RPTOR: variants seen among roughly 807,000 people sequenced by gnomAD.
The protein encoded by RPTOR is regulatory associated protein of MTOR complex 1.
Under a neutral mutation model 169.9 loss-of-function variants are expected in RPTOR, and 21 were observed. That is an observed-to-expected ratio of 0.12 (90% confidence interval 0.09 to 0.18). The LOEUF is 0.18. RPTOR is among the 10% of genes least tolerant of loss of function. RPTOR has a pLI of 1.00. For synonymous variants in RPTOR, 732 were observed against 753.2 expected, an observed-to-expected ratio of 0.97 and a Z score of 0.46; for missense variants, 1,133 against 1,855.9, an observed-to-expected ratio of 0.61 and a Z score of 7.16.
chr17:80,786,382 A>G (rs1355568977), intron 6 of RPTOR, among the ~76,000 whole-genome samples: 1 of 152,212 alleles, frequency 6.6e-6, no homozygotes, highest in Non-Finnish European at 1.5e-5. Flanking sequence ...TCAAAAATGA[A>G]AACAGCATTC....
Position 80,823,334 on chromosome 17 carries a change from C to A in RPTOR, c.1136+111C>A, listed in dbSNP as rs542479216. ...GGAGGCCCCACACCTAACTTGGGGA[C>A]CCCGTGTAGCATTAACAAGTGAAGC... On this transcript the variant is annotated intron_variant, in intron 9 of 33. Coordinates refer to ENST00000306801, the MANE Select transcript of RPTOR (RefSeq NM_020761.3). This position sits in a 1 kb window ranked among gnomAD's most constrained non-coding sequence, Gnocchi z 4.5. The A allele has an allele frequency of 7.7e-5, 105 of 1,356,556 alleles. 1 individual carries two copies. The Middle Eastern group carries it at 1.4e-3, about 17-fold the overall frequency. 84.0% of individuals were successfully genotyped at this position (1,356,556 alleles called of 1,614,324 possible). A position where few individuals can be genotyped will look rare whatever the true frequency, so the allele number is the denominator to read the frequency against.
intron 1 of RPTOR, among the ~76,000 whole-genome samples, chr17:80,613,349 C>T (rs2065284815): frequency 6.6e-6 from 1 of 152,196 alleles, no homozygotes; most frequent in Admixed American, 6.5e-5. Flanking sequence ...TTATGTGTGT[C>T]TCTTGTCCCT....
intron 3 of RPTOR, among the ~76,000 whole-genome samples, chr17:80,693,240 A>T (rs34384177): frequency 0.18 from 26,752 of 152,140 alleles, 3,764 homozygotes; most frequent in African/African-American, 0.39. Context: ...GCAGGTCCCC[A>T]GGCCATTGCC....
chr17:80,903,800 G>C (rs2068506876), intron 20 of RPTOR, among the ~76,000 whole-genome samples: 2 of 152,160 alleles, frequency 1.3e-5, no homozygotes, highest in South Asian at 4.1e-4. Flanking sequence ...ATTGGTTTCT[G>C]CCTTTGCAGA....
chr17:80,922,938 C>G, intron 22 of RPTOR, 111 bp downstream of exon 22: 1 of 870,480 alleles, frequency 1.1e-6, no homozygotes, highest in Non-Finnish European at 1.8e-6. Flanking sequence ...CCTGTCTTGG[C>G]TTCGTCTCCT....
In RPTOR at chr17:80,845,100, C is replaced by T. The variant is rs1052143900; in HGVS notation, c.1213-1373C>T. On this transcript the variant is annotated intron_variant, in intron 10 of 33. Transcript: ENST00000306801. The surrounding 1 kb of genome is among the most constrained non-coding windows in gnomAD (Gnocchi z 5.4). Reference sequence around the variant, plus strand: ...CTGCTCCTGCCTGGCCGCTCAGTTCCGAGACCTTCCAACGGCAGCCTCCCC... The same window carrying T: ...CTGCTCCTGCCTGGCCGCTCAGTTCTGAGACCTTCCAACGGCAGCCTCCCC... Among the ~76,000 whole-genome samples the T allele has an allele frequency of 1.5e-4, 23 of 152,154 alleles. No individual in the cohort carries two copies. The highest frequency in any genetic ancestry group is 2.5e-4 in the Non-Finnish European group (17 of 67,982).
chr17:80,635,810 G>A (rs2065501722), intron 2 of RPTOR, among the ~76,000 whole-genome samples: 1 of 152,112 alleles, frequency 6.6e-6, no homozygotes. Flanking sequence ...AAGAGTGAAG[G>A]CAGATGAGGT....
At chr17:80,948,285 G>A (rs575640461) in intron 27 of RPTOR, among the ~76,000 whole-genome samples, 5 of 152,378 alleles carry the variant, frequency 3.3e-5, no homozygotes, top group African/African-American at 7.2e-5. Context: ...GGTGAGGGGC[G>A]TGGCCATGGG....
Position 80,641,925 on chromosome 17 carries a change from G to GT in RPTOR, c.266-1802dup, listed in dbSNP as rs567725823. On this transcript the variant is annotated intron_variant, in intron 2 of 33. Transcript: ENST00000306801. ...TTCACGCAGCATTTCTCTGTAGCAT[G>GT]TGGTGCTGTTTGATAGCATTTTACC... is the stretch of plus-strand genomic sequence containing the variant. Among the ~76,000 whole-genome samples the GT allele has an allele frequency of 6.4e-4, 98 of 152,296 alleles. 2 individuals carry two copies. The East Asian group carries it at 0.017, about 27-fold the overall frequency.
At chr17:80,793,565 G>A (rs564000596) in intron 7 of RPTOR, among the ~76,000 whole-genome samples, 7 of 152,240 alleles carry the variant, frequency 4.6e-5, no homozygotes, top group Admixed American at 2.0e-4. Context: ...CTCCATCTCC[G>A]TGTGGGACAG....
intron 28 of RPTOR, among the ~76,000 whole-genome samples, chr17:80,953,955 G>C (rs2069215778): frequency 6.6e-6 from 1 of 152,196 alleles, no homozygotes; most frequent in Non-Finnish European, 1.5e-5. Context: ...TTCCTGCCTG[G>C]GTTCAGGTGT....
chr17:80,835,322 A>G (rs1279953127), intron 9 of RPTOR, among the ~76,000 whole-genome samples: 1 of 152,146 alleles, frequency 6.6e-6, no homozygotes, highest in Non-Finnish European at 1.5e-5. Flanking sequence ...TTGAGAAAAT[A>G]TGCCCTTTGA....
At position 80,548,536 on chromosome 17, in the gene RPTOR, G is replaced by GT. The variant is rs1360457509; in HGVS notation, c.162+2753dup. 5.0e-4 allele frequency among the ~76,000 whole-genome samples: 75 copies of GT among 151,116 alleles called. 1 individual carries two copies. The highest frequency in any genetic ancestry group is 3.4e-3 in the Middle Eastern group (1 of 292). On this transcript the variant is annotated intron_variant, in intron 1 of 33. Transcript: ENST00000306801. ...AGCTGGGATTACAGGCGCCTGGCTAGTTTTTTTTGTATTTTTAGTGGAGAT... is the reference window on the plus strand; with the variant it reads ...AGCTGGGATTACAGGCGCCTGGCTAGTTTTTTTTTGTATTTTTAGTGGAGAT...
intron 13 of RPTOR, among the ~76,000 whole-genome samples, chr17:80,877,278 T>C (rs2143820217): frequency 1.3e-5 from 2 of 152,322 alleles, no homozygotes; most frequent in East Asian, 3.9e-4. Context: ...GGTTCCTGCC[T>C]GCGGGGAGGG....
intron 1 of RPTOR, among the ~76,000 whole-genome samples, chr17:80,596,505 A>G (rs1393935888): frequency 1.3e-5 from 2 of 151,974 alleles, no homozygotes; most frequent in Non-Finnish European, 2.9e-5. Context: ...TGCAGGGTTT[A>G]TGGCTAATTA....
intron 3 of RPTOR, among the ~76,000 whole-genome samples, chr17:80,663,901 C>CT (rs1238245732): frequency 1.3e-5 from 2 of 152,264 alleles, no homozygotes; most frequent in East Asian, 3.9e-4. Flanking sequence ...GCATCCTCCG[C>CT]TGGGTGTTTG....
chr17:80,569,918 C>T (rs112941460), intron 1 of RPTOR, among the ~76,000 whole-genome samples: 106 of 152,238 alleles, frequency 7.0e-4, no homozygotes, highest in Middle Eastern at 3.4e-3. Flanking sequence ...CACCCTGCTC[C>T]GCTTCTCCTG....
chr17:80,806,960 G>C (rs910132242), intron 7 of RPTOR, among the ~76,000 whole-genome samples: 3 of 152,084 alleles, frequency 2.0e-5, no homozygotes, highest in African/African-American at 7.2e-5. Flanking sequence ...ACTGAAGAAG[G>C]CCAGATTAAC....
At chr17:80,841,804 A>T (rs1203864480) in intron 10 of RPTOR, among the ~76,000 whole-genome samples, 174 of 39,638 alleles carry the variant, frequency 4.4e-3, no homozygotes, top group East Asian at 6.1e-3. Context: ...GGCAGCTCAC[A>T]CTCACCGCAC....
Sources: gnomAD v4.1 joint callset for allele counts (sites outside exome capture counted in the v4.1 genomes callset) on GRCh38, gnomAD v4.1.1 for gene constraint, Gnocchi (gnomAD v3.1) non-coding constraint, MANE v1.5 for transcripts, NCBI Gene and HGNC (gene_info 2026-07-23, HGNC 2026-07-21) for gene names.